Variants in ZFC3H1 observed in about 807,000 individuals in gnomAD.
The protein encoded by ZFC3H1 is zinc finger C3H1-type containing, also known as zinc finger C3H1 domain-containing protein.
In ZFC3H1, 71 loss-of-function variants were observed where a neutral mutation model predicts 243.7. The observed-to-expected ratio is 0.29, with a 90% CI of 0.24 to 0.36. The LOEUF (loss-of-function observed/expected upper bound fraction) is 0.36, where lower values mean the gene tolerates loss of function less well. Ranked by LOEUF, ZFC3H1 falls within the 10% of genes least tolerant of loss-of-function variation. ZFC3H1 has a pLI of 1.00. For synonymous variants in ZFC3H1, 838 were observed against 813.0 expected, an observed-to-expected ratio of 1.03 and a Z score of -0.52; for missense variants, 1,966 against 2,317.1, an observed-to-expected ratio of 0.85 and a Z score of 3.11.
At position 71,615,215 on chromosome 12, in the gene ZFC3H1, A is replaced by G; in HGVS notation, c.5246T>C (p.Leu1749Pro). 1 of 1,609,882 alleles carries G rather than the reference A, an allele frequency of 6.2e-7. No homozygotes were observed. The highest frequency in any genetic ancestry group is 8.5e-7 in the Non-Finnish European group (1 of 1,177,468). The change falls in exon 28 of 35, where the codon CTG becomes CCG. Residue 1749 changes from leucine (L) to proline (P), a missense_variant. Physicochemically the swap from Leu to Pro is moderately conservative, Grantham distance 98. This residue lies in a region of ZFC3H1 where 1,383 missense variants were observed against 1,723.7 expected (regional missense o/e 0.80). Coordinates refer to ENST00000378743, the MANE Select transcript of ZFC3H1 (RefSeq NM_144982.5). ...ACAGTGGATGTCTCACCAGTAAATC[A>G]GCCACAAATAAGGAACTTGGTGGTT... ...MFNHQVPYLW[L>P]IYCLCHPLQS...
chr12:71,642,521 T>C lies in ZFC3H1; in HGVS notation c.1542A>G (p.Gln514=), dbSNP rs767269041. The C allele has an allele frequency of 6.2e-7, 1 of 1,613,466 alleles. No homozygotes were observed. The highest frequency in any genetic ancestry group is 1.1e-5 in the South Asian group (1 of 90,854). Residue 514 remains glutamine, a synonymous_variant, in exon 6 of 35, where the codon CAA becomes CAG. Coordinates refer to ENST00000378743, the MANE Select transcript of ZFC3H1 (RefSeq NM_144982.5). The stretch of plus-strand genomic sequence containing the variant: ...AAATGCCTCCTCCACTATCAGTAGG[T>C]TGCTTATCTAAGGATCGCCTCAGGT... ...DPDLRRSLDK[Q]PTDSGGGIYQ... is the part of the protein sequence containing the mutation.
intron 2 of ZFC3H1, among the ~76,000 whole-genome samples, chr12:71,651,868 G>A (rs1880894471): frequency 6.6e-6 from 1 of 152,294 alleles, no homozygotes. Flanking sequence ...GAAGGCAGAA[G>A]TTAGAGCCAG....
At chr12:71,661,287 G>C (rs1268773087) in intron 1 of ZFC3H1, among the ~76,000 whole-genome samples, 2 of 151,648 alleles carry the variant, frequency 1.3e-5, no homozygotes, top group East Asian at 1.9e-4. Flanking sequence ...GCGACAGAGC[G>C]AGACTCTGTC....
chr12:71,619,523 G>A (rs989009138), intron 26 of ZFC3H1, 114 bp from the exon 27 acceptor site: 27 of 949,698 alleles, frequency 2.8e-5, no homozygotes, highest in Non-Finnish European at 4.1e-5. Context: ...TTTCTTGAGT[G>A]GGTAAGGGGC....
At chr12:71,660,828 C>A (rs992656356) in intron 1 of ZFC3H1, among the ~76,000 whole-genome samples, 4 of 151,938 alleles carry the variant, frequency 2.6e-5, no homozygotes, top group African/African-American at 9.7e-5. Flanking sequence ...CTTTAAAAAA[C>A]ACATATAAAC....
At chr12:71,624,913 G>A (rs1366389837) in intron 22 of ZFC3H1, among the ~76,000 whole-genome samples, 3 of 152,204 alleles carry the variant, frequency 2.0e-5, no homozygotes, top group African/African-American at 7.2e-5. Context: ...GTTGCAGTGA[G>A]CCAACATCAC....
chr12:71,658,148 A>G (rs1014588747), intron 1 of ZFC3H1, among the ~76,000 whole-genome samples: 2 of 152,302 alleles, frequency 1.3e-5, no homozygotes, highest in South Asian at 4.1e-4. Context: ...CCTTAGAAAC[A>G]GCTACAAAAT....
Position 71,633,537 on chromosome 12 carries a change from G to C in ZFC3H1, c.2511-99C>G, listed in dbSNP as rs1254466554. On this transcript the variant is annotated intron_variant, in intron 12 of 34. Transcript: ENST00000378743. ...AAGTAATAACACAATTTTTAAAAAT[G>C]CATCTACGAGACACAGATAAAAATG... is the stretch of plus-strand genomic sequence containing the variant. 4.6e-6 allele frequency: 4 copies of C among 872,798 alleles called. No homozygotes were observed. The East Asian group carries it at 1.1e-4, about 24-fold the overall frequency. 54.1% of individuals were successfully genotyped at this position (872,798 alleles called of 1,614,324 possible).
rs537244908 is a variant in ZFC3H1 at position 71,632,520 on chromosome 12, G to A, written c.2818-6C>T. 6.5e-7 allele frequency: 1 copy of A among 1,538,402 alleles called. No homozygotes were observed. The highest frequency in any genetic ancestry group is 1.3e-5 in the South Asian group (1 of 79,794). The stretch of plus-strand genomic sequence containing the variant: ...AGTCTCATCATTTTGTTTGGCTAAG[G>A]GAGAAAAATGATACACGTATTTTAC... On this transcript the variant is annotated splice_polypyrimidine_tract_variant and splice_region_variant and intron_variant, in intron 14 of 34. Coordinates refer to ENST00000378743, the MANE Select transcript of ZFC3H1 (RefSeq NM_144982.5).
chr12:71,655,379 G>C (rs1288823336), intron 2 of ZFC3H1, among the ~76,000 whole-genome samples: 1 of 151,962 alleles, frequency 6.6e-6, no homozygotes, highest in Non-Finnish European at 1.5e-5. Context: ...ACTTGAGACA[G>C]AACTAAAGTC....
Position 71,646,515 on chromosome 12 carries a change from T to C in ZFC3H1, c.1080+1234A>G, listed in dbSNP as rs564038658. ...ATTCAGCTATAAAACATTTCCATTATTGTAGAAAATTCTATTAAACAGTAC... is the reference window on the plus strand; with the variant it reads ...ATTCAGCTATAAAACATTTCCATTACTGTAGAAAATTCTATTAAACAGTAC... On this transcript the variant is annotated intron_variant, in intron 3 of 34. Transcript: ENST00000378743. 8.9e-4 allele frequency among the ~76,000 whole-genome samples: 136 copies of C among 152,380 alleles called. 1 individual carries two copies. Among genetic ancestry groups the C allele is most frequent in the African/African-American group, 3.1e-3 (130 of 41,598 alleles).
In ZFC3H1 at chr12:71,631,671, T is replaced by C. The variant is rs1156969487; in HGVS notation, c.3470+107A>G. On this transcript the variant is annotated intron_variant, in intron 16 of 34. Coordinates refer to ENST00000378743, the MANE Select transcript of ZFC3H1 (RefSeq NM_144982.5). Reference sequence around the variant, plus strand: ...TTAAAAGGGTAAGTCTGGTTATCAATAGCAATGATTCAATTGCTTTTTCAT... The same window carrying C: ...TTAAAAGGGTAAGTCTGGTTATCAACAGCAATGATTCAATTGCTTTTTCAT... The C allele has an allele frequency of 8.4e-6, 8 of 954,894 alleles. No homozygotes were observed. The East Asian group carries it at 1.9e-4, about 22-fold the overall frequency. 59.2% of individuals were successfully genotyped at this position (954,894 alleles called of 1,614,324 possible).
intron 27 of ZFC3H1, 61 bp from the exon 28 acceptor site, chr12:71,615,377 A>G (rs1879870586): frequency 2.8e-6 from 3 of 1,090,840 alleles, no homozygotes; most frequent in South Asian, 1.4e-5. Context: ...AATTACACAC[A>G]TATTTTTTAA....
chr12:71,636,196 T>A (rs1398572065), intron 9 of ZFC3H1, among the ~76,000 whole-genome samples: 4 of 152,138 alleles, frequency 2.6e-5, no homozygotes, highest in Non-Finnish European at 5.9e-5. Flanking sequence ...AAAATCTGAA[T>A]GAGCCCATTT....
intron 9 of ZFC3H1, among the ~76,000 whole-genome samples, chr12:71,635,885 T>C (rs1880446459): frequency 6.6e-6 from 1 of 152,224 alleles, no homozygotes; most frequent in South Asian, 2.1e-4. Context: ...AAAATTTTGT[T>C]AATTTTACAT....
intron 2 of ZFC3H1, among the ~76,000 whole-genome samples, chr12:71,648,081 AAT>A (rs1880772360): frequency 6.6e-6 from 1 of 152,238 alleles, no homozygotes; most frequent in Non-Finnish European, 1.5e-5. Flanking sequence ...CTGAACTAGA[AAT>A]AGTCACTTCA....
At chr12:71,613,749 C>T (rs1292514) in intron 30 of ZFC3H1, 107,524 of 192,768 alleles carry the variant, frequency 0.56, 34,487 homozygotes, top group Middle Eastern at 0.73. Flanking sequence ...TAATACCTGC[C>T]ACATCTTGCT....
intron 24 of ZFC3H1, among the ~76,000 whole-genome samples, chr12:71,621,645 C>T (rs930382765): frequency 6.6e-6 from 1 of 152,022 alleles, no homozygotes; most frequent in African/African-American, 2.4e-5. Context: ...ACAATCATTT[C>T]CACTTGAATG....
At chr12:71,656,769 T>TA (rs1881029013) in intron 2 of ZFC3H1, 116 bp downstream of exon 2, 1 of 1,089,026 alleles carries the variant, frequency 9.2e-7, no homozygotes, top group Non-Finnish European at 1.3e-6. Context: ...ACATAGAAAG[T>TA]ACAAAAGAAT....
Sources: allele counts gnomAD v4.1 joint callset (sites outside exome capture counted in the v4.1 genomes callset), GRCh38; gene constraint gnomAD v4.1.1; regional missense constraint gnomAD v4.1.1; transcripts MANE v1.5; gene names NCBI Gene and HGNC (gene_info 2026-07-23, HGNC 2026-07-21).